The following TTK variants were observed in gnomAD, a reference collection of about 807,000 sequenced individuals.
The protein encoded by TTK is dual specificity protein kinase TTK.
TTK carries 59 observed loss-of-function variants against 117.3 expected under a neutral mutation model. The observed-to-expected ratio is 0.50, with a 90% CI of 0.41 to 0.62. The LOEUF is 0.62. Among genes scored for constraint, TTK ranks in the 20% least tolerant of loss-of-function variants. The probability of loss-of-function intolerance (pLI) is 0.00; values close to 1 mark genes in which losing one functional copy is unlikely to be tolerated. For synonymous variants in TTK, 302 were observed against 325.0 expected, an observed-to-expected ratio of 0.93 and a Z score of 0.76; for missense variants, 921 against 989.4, an observed-to-expected ratio of 0.93 and a Z score of 0.93.
chr6:80,009,969 C>T (rs1274913406), intron 4 of TTK, among the ~76,000 whole-genome samples: 3 of 152,028 alleles, frequency 2.0e-5, no homozygotes, highest in Non-Finnish European at 2.9e-5. Flanking sequence ...TGAAATTCTA[C>T]CACTACTTAG....
chr6:80,020,084 A>G (rs1767419249), intron 10 of TTK, among the ~76,000 whole-genome samples: 1 of 152,044 alleles, frequency 6.6e-6, no homozygotes, highest in South Asian at 2.1e-4. Flanking sequence ...ATGTATACAT[A>G]CAGGCACAAA....
At position 80,007,964 on chromosome 6, in the gene TTK, C is replaced by A; in HGVS notation, c.295C>A (p.Pro99Thr). Reference protein sequence around the residue: ...GRYSQAIEALPPDKYGQNESF... With the variant: ...GRYSQAIEALTPDKYGQNESF... ...TTACAGTCAAGCAATTGAAGCGCTT[C>A]CCCCAGATAAATATGGCCAAAATGA... is the stretch of plus-strand genomic sequence containing the variant. Residue 99 changes from proline to threonine, a missense_variant, in exon 3 of 22, where the codon CCC becomes ACC. Coordinates refer to ENST00000369798, the MANE Select transcript of TTK (RefSeq NM_003318.5). 1 of 1,613,514 alleles carries A rather than the reference C, an allele frequency of 6.2e-7. No individual in the cohort carries two copies. The highest frequency in any genetic ancestry group is 1.1e-5 in the South Asian group (1 of 91,060).
chr6:80,022,275 A>G, intron 10 of TTK, 49 bp from the exon 11 acceptor site: 1 of 1,577,540 alleles, frequency 6.3e-7, no homozygotes, highest in South Asian at 1.2e-5. Flanking sequence ...GGCTTAGTTT[A>G]TTATGATCAA....
At chr6:80,039,126 A>G (rs1342425127) in intron 18 of TTK, among the ~76,000 whole-genome samples, 1 of 152,100 alleles carries the variant, frequency 6.6e-6, no homozygotes, top group Non-Finnish European at 1.5e-5. Flanking sequence ...ATTGGCTTAG[A>G]TATAACTATT....
chr6:80,027,744 T>C lies in TTK; in HGVS notation c.1395-141T>C, dbSNP rs572855527. On this transcript the variant is annotated intron_variant, in intron 12 of 21. Coordinates refer to ENST00000369798, the MANE Select transcript of TTK (RefSeq NM_003318.5). ...GGTGGTGGCATATCTGGAATAAGTG[T>C]CAGCTATATCATGAAAACTAACTTG... 5 of 494,410 alleles carry C rather than the reference T, an allele frequency of 1.0e-5. No homozygotes were observed. In the East Asian group the frequency reaches 1.8e-4, roughly 18 times the overall value. The allele number at this position is 494,410 out of a possible 1,614,324, so 30.6% of individuals were successfully genotyped here.
At position 80,031,482 on chromosome 6, in the gene TTK, T is replaced by G; in HGVS notation, c.1537T>G (p.Ser513Ala). Residue 513 changes from serine to alanine, a missense_variant, in exon 14 of 22, where the codon TCA becomes GCA. Ser to Ala is a moderately conservative substitution (Grantham distance 99, BLOSUM62 1). Coordinates refer to ENST00000369798, the MANE Select transcript of TTK (RefSeq NM_003318.5). Reference protein sequence around the residue: ...LQNLQVLASSSANECISVKGR... With the variant: ...LQNLQVLASSAANECISVKGR... ...ACTTATTTAGGTTTTAGCATCTTCT[T>G]CAGCAAATGAATGCATTTCGGTTAA... is the stretch of plus-strand genomic sequence containing the variant. The G allele has an allele frequency of 6.6e-7, 1 of 1,508,192 alleles. No homozygotes were observed. Among genetic ancestry groups the G allele is most frequent in the Non-Finnish European group, 8.8e-7 (1 of 1,135,036 alleles). The allele number at this position is 1,508,192 out of a possible 1,614,324, so 93.4% of individuals were successfully genotyped here. A position where few individuals can be genotyped will look rare whatever the true frequency, so the allele number is the denominator to read the frequency against.
chr6:80,011,409 A>C (rs543321663), intron 5 of TTK, 25 bp from the exon 6 acceptor site: 3 of 1,455,864 alleles, frequency 2.1e-6, no homozygotes, highest in South Asian at 1.3e-5. Flanking sequence ...TTATAAATTT[A>C]ATCATAGTTT....
At chr6:80,038,183 T>G in intron 18 of TTK, 136 bp downstream of exon 18, 1 of 473,854 alleles carries the variant, frequency 2.1e-6, no homozygotes, top group Non-Finnish European at 3.6e-6. Context: ...TGCTGGTTTT[T>G]TTCGTTTCCA....
chr6:80,039,386 G>C, intron 18 of TTK, among the ~76,000 whole-genome samples: 2 of 4,902 alleles, frequency 4.1e-4, no homozygotes, highest in Middle Eastern at 0.17. Flanking sequence ...TAATTCTGGG[G>C]AAAACAAACT....
rs1387799118 is a variant in TTK at position 80,008,367 on chromosome 6, C to T, written c.363-19C>T. 13 of 1,593,606 alleles carry T rather than the reference C, an allele frequency of 8.2e-6. No individual in the cohort carries two copies. The highest frequency in any genetic ancestry group is 1.1e-5 in the Non-Finnish European group (13 of 1,172,564). On this transcript the variant is annotated intron_variant, in intron 3 of 21. Transcript: ENST00000369798. Reference sequence around the variant, plus strand: ...CTATGTTCTTTTTCTTAAATTTTGACTCAAATCTTTTATTACAGTATTCAA... The same window carrying T: ...CTATGTTCTTTTTCTTAAATTTTGATTCAAATCTTTTATTACAGTATTCAA...
At chr6:80,028,290 T>A (rs919326223) in intron 13 of TTK, among the ~76,000 whole-genome samples, 3 of 134,266 alleles carry the variant, frequency 2.2e-5, no homozygotes, top group Non-Finnish European at 4.7e-5. Context: ...TACCTTTTAT[T>A]TTTTATTTTT....
intron 10 of TTK, among the ~76,000 whole-genome samples, chr6:80,021,509 G>A (rs907925997): frequency 6.6e-6 from 1 of 152,200 alleles, no homozygotes; most frequent in Admixed American, 6.5e-5. Flanking sequence ...AGGTGTGGTG[G>A]AAGGAAAACA....
Position 80,011,934 on chromosome 6 carries a change from TG to T in TTK, c.851del (p.Cys284LeufsTer3). On this transcript the variant is annotated frameshift_variant, in exon 8 of 22. Transcript: ENST00000369798. LOFTEE classifies it high-confidence loss of function. ...VPVNLLNSPDCDVKTDDSVVP... is the reference protein window; with the variant it reads ...VPVNLLNSPDXDVKTDDSVVP... Reference sequence around the variant, plus strand: ...AGTTAACCTTCTAAATAGCCCAGATTGTGATGTGAAGACAGATGATTCAGTT... The same window carrying T: ...AGTTAACCTTCTAAATAGCCCAGATTTGATGTGAAGACAGATGATTCAGTT... 2 of 1,612,456 alleles carry T rather than the reference TG, an allele frequency of 1.2e-6. No individual in the cohort carries two copies. The highest frequency in any genetic ancestry group is 1.7e-6 in the Non-Finnish European group (2 of 1,179,124).
At chr6:80,011,144 A>C (rs1767135986) in intron 5 of TTK, among the ~76,000 whole-genome samples, 187 bp downstream of exon 5, 2 of 151,932 alleles carry the variant, frequency 1.3e-5, no homozygotes, top group African/African-American at 4.8e-5. Flanking sequence ...TTTTTTGCTA[A>C]CTAAACTTTC....
At position 80,041,743 on chromosome 6, in the gene TTK, A is replaced by T. The variant is rs568558977; in HGVS notation, c.2491-376A>T. On this transcript the variant is annotated intron_variant, in intron 21 of 21. Coordinates refer to ENST00000369798, the MANE Select transcript of TTK (RefSeq NM_003318.5). ...TAATTTGTAATGTCTTCTATTTATTAGCTTATTATCATCTGAGAATATAAA... is the reference window on the plus strand; with the variant it reads ...TAATTTGTAATGTCTTCTATTTATTTGCTTATTATCATCTGAGAATATAAA... Among the ~76,000 whole-genome samples the T allele has an allele frequency of 4.6e-5, 7 of 151,138 alleles. No homozygotes were observed. The South Asian group carries it at 1.4e-3, about 31-fold the overall frequency.
chr6:80,038,146 A>C (rs1322091122), intron 18 of TTK, 99 bp downstream of exon 18: 2 of 811,722 alleles, frequency 2.5e-6, no homozygotes, highest in Non-Finnish European at 1.8e-6. Context: ...TTAAGTTCTA[A>C]AACTTTTTAG....
chr6:80,013,209 A>T (rs2127717358), intron 8 of TTK, 70 bp from the exon 9 acceptor site: 2 of 1,277,804 alleles, frequency 1.6e-6, no homozygotes, highest in East Asian at 5.1e-5. Flanking sequence ...CCAACTTGAG[A>T]TGAAAAAATA....
In TTK at chr6:80,035,077, G is replaced by A; in HGVS notation, c.1707G>A (p.Arg569=). 6.2e-7 allele frequency: 1 copy of A among 1,604,336 alleles called. No individual in the cohort carries two copies. Among genetic ancestry groups the A allele is most frequent in the East Asian group, 2.2e-5 (1 of 44,634 alleles). ...EADNQTLDSY[R]NEIAYLNKLQ... ...ATAACCAAACTCTTGATAGTTACCG[G>A]AACGAAATAGCTTATTTGAATAAAC... The change falls in exon 15 of 22, where the codon CGG becomes CGA. Residue 569 remains arginine (R), a synonymous_variant. Coordinates refer to ENST00000369798, the MANE Select transcript of TTK (RefSeq NM_003318.5).
In TTK at chr6:80,032,759, A is replaced by G. The variant is rs557118459; in HGVS notation, c.1614+1200A>G. ...CATCTCCAGCATTATTATTTTGGTCAAGGCAACTTTTGTATTTTCACCTAA... is the reference window on the plus strand; with the variant it reads ...CATCTCCAGCATTATTATTTTGGTCGAGGCAACTTTTGTATTTTCACCTAA... On this transcript the variant is annotated intron_variant, in intron 14 of 21. Transcript: ENST00000369798. Among the ~76,000 whole-genome samples the G allele has an allele frequency of 2.0e-5, 3 of 152,320 alleles. No homozygotes were observed. In the South Asian group the frequency reaches 6.2e-4, roughly 32 times the overall value.
Sources: allele counts gnomAD v4.1 joint callset (sites outside exome capture counted in the v4.1 genomes callset), GRCh38; gene constraint gnomAD v4.1.1; transcripts MANE v1.5; gene names NCBI Gene and HGNC (gene_info 2026-07-23, HGNC 2026-07-21).